Variants in LOXL2 observed in about 807,000 individuals in gnomAD.
LOXL2 encodes the protein lysyl oxidase homolog 2.
In LOXL2, 70 loss-of-function variants were observed where a neutral mutation model predicts 93.0. That is an observed-to-expected ratio of 0.75 (90% CI 0.62 to 0.92). The LOEUF (loss-of-function observed/expected upper bound fraction) is 0.92, where lower values mean the gene tolerates loss of function less well. Ranked by LOEUF, LOXL2 falls within the 40% of genes least tolerant of loss-of-function variation. LOXL2 has a pLI of 0.00. For missense variants in LOXL2, 973 were observed against 1,054.9 expected, an observed-to-expected ratio of 0.92 and a Z score of 1.08; for synonymous variants, 438 against 413.2, an observed-to-expected ratio of 1.06 and a Z score of -0.73.
chr8:23,363,397 G>A, intron 2 of LOXL2: 1 of 152,160 alleles, frequency 6.6e-6, no homozygotes, highest in South Asian at 2.1e-4. Flanking sequence ...TTTCCAACTG[G>A]CTTCTCATTT....
At chr8:23,386,173 G>T (rs1206249178) in intron 1 of LOXL2, 4 of 637,716 alleles carry the variant, frequency 6.3e-6, no homozygotes, top group Non-Finnish European at 8.6e-6. Flanking sequence ...TTCACTAATT[G>T]TTGAGGTCAG....
intron 1 of LOXL2, among the ~76,000 whole-genome samples, chr8:23,376,355 G>A (rs1412799856): frequency 6.6e-6 from 1 of 152,110 alleles, no homozygotes; most frequent in African/African-American, 2.4e-5. Flanking sequence ...ATTTTATTGA[G>A]GATTTTTGCA....
intron 3 of LOXL2, among the ~76,000 whole-genome samples, chr8:23,357,375 C>G (rs1804217797): frequency 6.6e-6 from 1 of 152,260 alleles, no homozygotes; most frequent in East Asian, 1.9e-4. Flanking sequence ...CGGCCTTTTT[C>G]AGTCTTTTCT....
rs114822892 is a variant in LOXL2, at chr8:23,335,407, C to A, written c.744-1784G>T. On this transcript the variant is annotated intron_variant, in intron 4 of 13. Coordinates refer to ENST00000389131, the MANE Select transcript of LOXL2 (RefSeq NM_002318.3). ...TTAATACTTGTCACTTAAAACAGTG[C>A]CCAGAGATAGGAAGAGCTACATAAG... Among the ~76,000 whole-genome samples, 957 of 151,986 alleles carry A rather than the reference C, an allele frequency of 6.3e-3. 9 individuals are homozygous for A. The highest frequency in any genetic ancestry group is 0.022 in the African/African-American group (912 of 41,454).
At chr8:23,372,908 T>C (rs1304001128) in intron 1 of LOXL2, among the ~76,000 whole-genome samples, 1 of 152,194 alleles carries the variant, frequency 6.6e-6, no homozygotes, top group Non-Finnish European at 1.5e-5. Flanking sequence ...CAAGTTTCTA[T>C]AAACTGTACT....
chr8:23,331,346 C>T lies in LOXL2; in HGVS notation c.966+2055G>A, dbSNP rs74801933. 1,295 of 152,492 alleles carry T rather than the reference C, an allele frequency of 8.5e-3. 85 individuals carry two copies. The East Asian group carries it at 0.16, about 19-fold the overall frequency. 9.4% of individuals were successfully genotyped at this position (152,492 alleles called of 1,614,324 possible). A position where few individuals can be genotyped will look rare whatever the true frequency, so the allele number is the denominator to read the frequency against. On this transcript the variant is annotated intron_variant, in intron 5 of 13. Coordinates refer to ENST00000389131, the MANE Select transcript of LOXL2 (RefSeq NM_002318.3). ...CCCAGAGCCCTTCTCCCTCCTCTGGCTCTCTCTTATCCCTGACTTGGTGAC... is the reference window on the plus strand; with the variant it reads ...CCCAGAGCCCTTCTCCCTCCTCTGGTTCTCTCTTATCCCTGACTTGGTGAC...
intron 10 of LOXL2, among the ~76,000 whole-genome samples, chr8:23,309,411 A>T (rs534053324): frequency 4.6e-5 from 7 of 152,326 alleles, no homozygotes; most frequent in Admixed American, 3.9e-4. Context: ...GGCGCTCAAA[A>T]CAAAGTGTGT....
intron 10 of LOXL2, among the ~76,000 whole-genome samples, chr8:23,304,511 A>G (rs1259162269): frequency 6.6e-6 from 1 of 152,170 alleles, no homozygotes; most frequent in Non-Finnish European, 1.5e-5. Flanking sequence ...AAAATGAGGG[A>G]AACTGAGGAA....
At chr8:23,370,227 C>G (rs1804473592) in intron 1 of LOXL2, among the ~76,000 whole-genome samples, 1 of 152,178 alleles carries the variant, frequency 6.6e-6, no homozygotes, top group Non-Finnish European at 1.5e-5. Flanking sequence ...CTTTTGACAC[C>G]TAGAACAACG....
At chr8:23,332,742 A>C (rs1160971327) in intron 5 of LOXL2, among the ~76,000 whole-genome samples, 1 of 74,150 alleles carries the variant, frequency 1.3e-5, no homozygotes, top group Non-Finnish European at 2.4e-5. Flanking sequence ...ATACACCCCC[A>C]TAAACTCATA....
intron 10 of LOXL2, among the ~76,000 whole-genome samples, chr8:23,309,272 C>T (rs1212710623): frequency 3.3e-5 from 5 of 152,122 alleles, no homozygotes; most frequent in African/African-American, 4.8e-5. Context: ...CGTGAGCCAC[C>T]GCGCCAGGCT....
chr8:23,370,309 C>G (rs1804474570), intron 1 of LOXL2, among the ~76,000 whole-genome samples: 1 of 152,128 alleles, frequency 6.6e-6, no homozygotes. Context: ...AGAGACCTTC[C>G]TAGGTCCTCC....
intron 4 of LOXL2, among the ~76,000 whole-genome samples, chr8:23,333,856 C>A (rs975145468): frequency 6.6e-6 from 1 of 152,212 alleles, no homozygotes; most frequent in African/African-American, 2.4e-5. Context: ...CTCCTGCCCT[C>A]AGGCAGCTTC....
intron 1 of LOXL2, among the ~76,000 whole-genome samples, chr8:23,394,808 A>G (rs559056993): frequency 6.0e-5 from 9 of 149,976 alleles, no homozygotes; most frequent in African/African-American, 1.7e-4. Context: ...AAACTTTTAC[A>G]TGAATGTTCA....
intron 10 of LOXL2, among the ~76,000 whole-genome samples, chr8:23,308,868 A>G (rs1803274684): frequency 6.6e-6 from 1 of 152,108 alleles, no homozygotes; most frequent in African/African-American, 2.4e-5. Flanking sequence ...CGCTAGAGGC[A>G]CGGCTGCGTT....
chr8:23,300,161 C>T (rs546051113), intron 12 of LOXL2, among the ~76,000 whole-genome samples: 24 of 152,350 alleles, frequency 1.6e-4, no homozygotes, highest in Non-Finnish European at 2.5e-4. Context: ...ACAGTGCAGC[C>T]GTGAGGGCGG....
intron 4 of LOXL2, among the ~76,000 whole-genome samples, chr8:23,338,625 G>T (rs1803834274): frequency 6.6e-6 from 1 of 152,232 alleles, no homozygotes; most frequent in South Asian, 2.1e-4. Context: ...GAGGTGTGCT[G>T]CCAGCAACAG....
In LOXL2 at chr8:23,360,143, C is replaced by T. The variant is rs3736019; in HGVS notation, c.478G>A (p.Asp160Asn). The T allele has an allele frequency of 3.2e-5, 52 of 1,612,864 alleles. No homozygotes were observed. The East Asian group carries it at 4.5e-4, about 14-fold the overall frequency. The change falls in exon 3 of 14, where the codon GAC becomes AAC. Residue 160 changes from aspartate (D) to asparagine (N), a missense_variant. By Grantham distance (23) the Asp-to-Asn change is conservative. Coordinates refer to ENST00000389131, the MANE Select transcript of LOXL2 (RefSeq NM_002318.3). ...AATTTGAACCCAGGAATCCTTTTGT[C>T]GCTGCACACCACACCGACATCCTCC... is the stretch of plus-strand genomic sequence containing the variant. ...HTEDVGVVCSDKRIPGFKFDN... is the reference protein window; with the variant it reads ...HTEDVGVVCSNKRIPGFKFDN...
At chr8:23,403,809 T>C (rs974352893) in intron 1 of LOXL2, 145 bp downstream of exon 1, 5 of 152,318 alleles carry the variant, frequency 3.3e-5, no homozygotes, top group African/African-American at 4.8e-5. Context: ...CGTCCTCGCA[T>C]CGCTCCCCGC....
Sources: allele counts gnomAD v4.1 joint callset (sites outside exome capture counted in the v4.1 genomes callset), GRCh38; gene constraint gnomAD v4.1.1; transcripts MANE v1.5; gene names NCBI Gene and HGNC (gene_info 2026-07-23, HGNC 2026-07-21).